Variants in ARHGEF38 observed in about 807,000 individuals in gnomAD.
ARHGEF38 encodes the protein Rho guanine nucleotide exchange factor 38, also known as Rho guanine nucleotide exchange factor (GEF) 38.
A neutral mutation model predicts 79.9 loss-of-function variants in ARHGEF38; 79 were observed. That is an observed-to-expected ratio of 0.99 (90% confidence interval 0.82 to 1.19). The LOEUF (loss-of-function observed/expected upper bound fraction) is 1.19, where lower values mean the gene tolerates loss of function less well. ARHGEF38 is among the 50% of genes most tolerant of loss of function. ARHGEF38 has a pLI of 0.00. For synonymous variants in ARHGEF38, 366 were observed against 328.3 expected, an observed-to-expected ratio of 1.11 and a Z score of -1.24; for missense variants, 962 against 907.2, an observed-to-expected ratio of 1.06 and a Z score of -0.78.
Position 105,679,898 on chromosome 4 carries a change from T to C in ARHGEF38, c.*1961T>C, listed in dbSNP as rs756460364. The stretch of plus-strand genomic sequence containing the variant: ...AATGTCCAAACCACGAGGAGCCACA[T>C]TGGTTGCCACCAAAACTTTATAATT... On this transcript the variant is annotated 3_prime_UTR_variant, in exon 14 of 14. Transcript: ENST00000420470. 4.0e-4 allele frequency: 576 copies of C among 1,434,304 alleles called. 2 individuals carry two copies. The highest frequency in any genetic ancestry group is 9.3e-4 in the Middle Eastern group (4 of 4,322). The allele number at this position is 1,434,304 out of a possible 1,614,324, so 88.8% of individuals were successfully genotyped here.
At chr4:105,588,172 A>G (rs1173547590) in intron 1 of ARHGEF38, among the ~76,000 whole-genome samples, 2 of 152,164 alleles carry the variant, frequency 1.3e-5, no homozygotes, top group Admixed American at 1.3e-4. Context: ...TCACTTTCAT[A>G]CATTGTGACC....
At chr4:105,583,324 T>C (rs1364339756) in intron 1 of ARHGEF38, among the ~76,000 whole-genome samples, 1 of 152,204 alleles carries the variant, frequency 6.6e-6, no homozygotes, top group Non-Finnish European at 1.5e-5. Context: ...TTAAAATACT[T>C]AGAAGTCTCC....
At chr4:105,585,529 G>T (rs1726991727) in intron 1 of ARHGEF38, among the ~76,000 whole-genome samples, 1 of 152,122 alleles carries the variant, frequency 6.6e-6, no homozygotes, top group Non-Finnish European at 1.5e-5. Flanking sequence ...GCTTGAGTGT[G>T]AAAGAAATAC....
chr4:105,632,560 T>A (rs1729239426), intron 4 of ARHGEF38: 1 of 152,240 alleles, frequency 6.6e-6, no homozygotes, highest in Non-Finnish European at 1.5e-5. Context: ...TCAGCTGTTT[T>A]ATTCTTTGGG....
intron 4 of ARHGEF38, among the ~76,000 whole-genome samples, chr4:105,635,775 T>C (rs904822448): frequency 1.3e-5 from 2 of 152,016 alleles, no homozygotes; most frequent in African/African-American, 4.8e-5. Flanking sequence ...CGTGAATAAT[T>C]GCCTAAAATT....
intron 2 of ARHGEF38, among the ~76,000 whole-genome samples, chr4:105,609,987 G>T (rs1728219724): frequency 6.6e-6 from 1 of 152,090 alleles, no homozygotes; most frequent in Non-Finnish European, 1.5e-5. Flanking sequence ...ACCGGATAAA[G>T]AAAATGTGGT....
At chr4:105,588,277 T>C (rs1428501546) in intron 1 of ARHGEF38, among the ~76,000 whole-genome samples, 1 of 152,252 alleles carries the variant, frequency 6.6e-6, no homozygotes, top group Non-Finnish European at 1.5e-5. Flanking sequence ...ATGTCTCATA[T>C]ACCAGTTACT....
chr4:105,556,777 T>C (rs1216906755), intron 1 of ARHGEF38, among the ~76,000 whole-genome samples: 1 of 152,108 alleles, frequency 6.6e-6, no homozygotes, highest in Admixed American at 6.6e-5. Context: ...AGGAAACTGG[T>C]GTGAAGAAAG....
intron 3 of ARHGEF38, among the ~76,000 whole-genome samples, chr4:105,620,681 A>G (rs1423309052): frequency 2.0e-5 from 3 of 152,188 alleles, no homozygotes; most frequent in Non-Finnish European, 4.4e-5. Flanking sequence ...CATGGATCTA[A>G]TATGGTGACA....
rs192844037 is a variant in ARHGEF38 at position 105,578,390 on chromosome 4, A to C, written c.197-10858A>C. Among the ~76,000 whole-genome samples, 417 of 152,262 alleles carry C rather than the reference A, an allele frequency of 2.7e-3. 2 individuals carry two copies. Among genetic ancestry groups the C allele is most frequent in the Middle Eastern group, 0.014 (4 of 294 alleles). ...TTCCATGTGCTGATGAGAAGAATGTATATTCTGCAGTTCTTGAGTAGAATG... is the reference window on the plus strand; with the variant it reads ...TTCCATGTGCTGATGAGAAGAATGTCTATTCTGCAGTTCTTGAGTAGAATG... On this transcript the variant is annotated intron_variant, in intron 1 of 13. Transcript: ENST00000420470.
At chr4:105,642,367 T>C (rs1729654590) in intron 5 of ARHGEF38, among the ~76,000 whole-genome samples, 1 of 152,182 alleles carries the variant, frequency 6.6e-6, no homozygotes, top group South Asian at 2.1e-4. Flanking sequence ...TATTTATGAC[T>C]TTTTTAGGAG....
At chr4:105,579,838 T>C (rs1015474118) in intron 1 of ARHGEF38, among the ~76,000 whole-genome samples, 4 of 152,200 alleles carry the variant, frequency 2.6e-5, no homozygotes, top group African/African-American at 9.7e-5. Context: ...GTGTTTGAAT[T>C]TGGCTGTGAA....
intron 1 of ARHGEF38, among the ~76,000 whole-genome samples, chr4:105,566,973 G>A (rs1725952751): frequency 1.3e-5 from 2 of 152,176 alleles, no homozygotes; most frequent in Non-Finnish European, 2.9e-5. Context: ...GGCTGGTCTT[G>A]AACTCCTGAT....
At chr4:105,565,099 G>T (rs923023433) in intron 1 of ARHGEF38, among the ~76,000 whole-genome samples, 1 of 152,180 alleles carries the variant, frequency 6.6e-6, no homozygotes, top group Non-Finnish European at 1.5e-5. Flanking sequence ...GGTAAGCTTT[G>T]TTTAATTCCT....
intron 1 of ARHGEF38, among the ~76,000 whole-genome samples, chr4:105,566,387 C>A (rs2866795): frequency 0.96 from 146,012 of 152,268 alleles, 70,025 homozygotes; most frequent in East Asian, 1. Flanking sequence ...TATCATAATT[C>A]TATTTATACT....
chr4:105,570,010 A>G (rs1211900861), intron 1 of ARHGEF38: 1 of 152,218 alleles, frequency 6.6e-6, no homozygotes, highest in Non-Finnish European at 1.5e-5. Context: ...ATTCCACTAC[A>G]TAGAACATGA....
At chr4:105,586,073 G>A (rs1727031855) in intron 1 of ARHGEF38, among the ~76,000 whole-genome samples, 1 of 151,952 alleles carries the variant, frequency 6.6e-6, no homozygotes, top group South Asian at 2.1e-4. Flanking sequence ...GGCTATAGCT[G>A]ACTGCTGATT....
At chr4:105,648,001 T>C in intron 6 of ARHGEF38, among the ~76,000 whole-genome samples, 1 of 151,564 alleles carries the variant, frequency 6.6e-6, no homozygotes, top group East Asian at 1.9e-4. Context: ...GAGATTGTCC[T>C]GCCTCAGCCT....
intron 3 of ARHGEF38, among the ~76,000 whole-genome samples, chr4:105,621,460 T>G (rs1388201933): frequency 6.6e-6 from 1 of 152,216 alleles, no homozygotes; most frequent in Non-Finnish European, 1.5e-5. Flanking sequence ...GGAATTGTAA[T>G]TTCTTGTATG....
Sources: allele counts gnomAD v4.1 joint callset (sites outside exome capture counted in the v4.1 genomes callset), GRCh38; gene constraint gnomAD v4.1.1; transcripts MANE v1.5; gene names NCBI Gene and HGNC (gene_info 2026-07-23, HGNC 2026-07-21).